Variants in CDKL3 observed in about 807,000 individuals in gnomAD.
CDKL3 encodes the protein cyclin dependent kinase like 3, also known as cyclin-dependent kinase-like 3.
CDKL3 carries 65 observed loss-of-function variants against 69.3 expected under a neutral mutation model. The observed-to-expected ratio is 0.94, with a 90% CI of 0.77 to 1.15. The LOEUF (loss-of-function observed/expected upper bound fraction) is 1.15, where lower values mean the gene tolerates loss of function less well. Among genes scored for constraint, CDKL3 ranks in the 50% most tolerant of loss-of-function variants. The probability of loss-of-function intolerance (pLI) is 0.00; values close to 1 mark genes in which losing one functional copy is unlikely to be tolerated. For missense variants in CDKL3, 652 were observed against 689.2 expected (o/e 0.95, Z 0.61); for synonymous variants, 202 against 221.6 (o/e 0.91, Z 0.79).
chr5:134,333,374 G>A (rs1776271213), intron 4 of CDKL3, among the ~76,000 whole-genome samples: 1 of 152,174 alleles, frequency 6.6e-6, no homozygotes, highest in South Asian at 2.1e-4. Context: ...TGGTGAGAGA[G>A]GACATCCTTG....
At chr5:134,336,239 G>A (rs1777085629) in intron 4 of CDKL3, among the ~76,000 whole-genome samples, 1 of 152,022 alleles carries the variant, frequency 6.6e-6, no homozygotes, top group Non-Finnish European at 1.5e-5. Context: ...TTTTTTCAAG[G>A]TTTTTAGCTT....
intron 6 of CDKL3, among the ~76,000 whole-genome samples, chr5:134,318,782 G>A (rs1771901529): frequency 6.6e-6 from 1 of 151,994 alleles, no homozygotes; most frequent in African/African-American, 2.4e-5. Context: ...ACCCTGCCTG[G>A]CCCATTTCTC....
Position 134,326,670 on chromosome 5 carries a change from C to T in CDKL3, c.540-4767G>A, listed in dbSNP as rs1774277710. The stretch of plus-strand genomic sequence containing the variant: ...AATTTTTTTTTTTAAGATGGAGTTT[C>T]ACTCTTGTTGCCCAGGCTGGAGTGC... On this transcript the variant is annotated intron_variant, in intron 4 of 12. Transcript: ENST00000265334. 2.6e-5 allele frequency among the ~76,000 whole-genome samples: 4 copies of T among 151,078 alleles called. No individual in the cohort carries two copies. In the South Asian group the frequency reaches 8.4e-4, roughly 32 times the overall value.
intron 6 of CDKL3, among the ~76,000 whole-genome samples, chr5:134,313,008 C>A (rs1042701775): frequency 6.6e-6 from 1 of 152,114 alleles, no homozygotes; most frequent in African/African-American, 2.4e-5. Context: ...TTTCTTTAAT[C>A]AAAATACTGA....
rs551793117 is a variant in CDKL3, at chr5:134,330,698, G to C, written c.540-8795C>G. Among the ~76,000 whole-genome samples, 55 of 151,914 alleles carry C rather than the reference G, an allele frequency of 3.6e-4. No homozygotes were observed. The Middle Eastern group carries it at 0.01, about 28-fold the overall frequency. On this transcript the variant is annotated intron_variant, in intron 4 of 12. Transcript: ENST00000265334. ...CAACTGCACTCCAGTCTGGGTGACA[G>C]AGCCAGACCCTGTCTGAAAGAAAAA...
chr5:134,363,379 C>T (rs188968556), intron 2 of CDKL3, among the ~76,000 whole-genome samples: 3 of 151,796 alleles, frequency 2.0e-5, no homozygotes, highest in African/African-American at 7.3e-5. Context: ...CTGAAACCTC[C>T]GCCTCCCGGG....
chr5:134,364,031 AAAG>A (rs1756749869), intron 2 of CDKL3, among the ~76,000 whole-genome samples: 1 of 152,000 alleles, frequency 6.6e-6, no homozygotes, highest in South Asian at 2.1e-4. Context: ...ACTTACAAAG[AAAG>A]AAGAAAATAT....
rs1244920948 is a variant in CDKL3 at position 134,341,985 on chromosome 5, G to A, written c.539+8264C>T. Reference sequence around the variant, plus strand: ...TTTAGGAGGCCCCTCTTTCTCACTAGGGAGAAAGCTGTTCTCCTTTCTCTT... The same window carrying A: ...TTTAGGAGGCCCCTCTTTCTCACTAAGGAGAAAGCTGTTCTCCTTTCTCTT... On this transcript the variant is annotated intron_variant, in intron 4 of 12. Transcript: ENST00000265334. 5.9e-5 allele frequency among the ~76,000 whole-genome samples: 9 copies of A among 152,240 alleles called. No individual in the cohort carries two copies. In the East Asian group the frequency reaches 1.2e-3, roughly 20 times the overall value.
intron 4 of CDKL3, among the ~76,000 whole-genome samples, chr5:134,323,275 C>T (rs1290465389): frequency 1.3e-5 from 2 of 152,078 alleles, no homozygotes; most frequent in African/African-American, 4.8e-5. Flanking sequence ...CATTTCACAA[C>T]GTATATATAT....
downstream of CDKL3, among the ~76,000 whole-genome samples, chr5:134,293,565 G>A (rs1765219509): frequency 6.6e-6 from 1 of 152,120 alleles, no homozygotes; most frequent in Non-Finnish European, 1.5e-5. Context: ...GAAGGCCGAG[G>A]TGGGAGGATC....
intron 4 of CDKL3, among the ~76,000 whole-genome samples, chr5:134,336,485 T>C (rs1442404569): frequency 6.6e-6 from 1 of 152,228 alleles, no homozygotes; most frequent in Non-Finnish European, 1.5e-5. Flanking sequence ...GTCTTTGATG[T>C]TGGTGACCTG....
At chr5:134,356,373 G>A (rs1314185145) in intron 3 of CDKL3, among the ~76,000 whole-genome samples, 1 of 152,214 alleles carries the variant, frequency 6.6e-6, no homozygotes, top group Non-Finnish European at 1.5e-5. Context: ...CTACTGTGTG[G>A]CCTGATTCCT....
chr5:134,334,897 G>A lies in CDKL3; in HGVS notation c.540-12994C>T, dbSNP rs1776685477. Among the ~76,000 whole-genome samples, 6 of 152,152 alleles carry A rather than the reference G, an allele frequency of 3.9e-5. No homozygotes were observed. The South Asian group carries it at 1.2e-3, about 32-fold the overall frequency. ...AATTTTCTGTCTTGTTGATCTGTCTGATATTGACCGTGGGGTGTTAAATTC... is the reference window on the plus strand; with the variant it reads ...AATTTTCTGTCTTGTTGATCTGTCTAATATTGACCGTGGGGTGTTAAATTC... On this transcript the variant is annotated intron_variant, in intron 4 of 12. Transcript: ENST00000265334.
intron 3 of CDKL3, among the ~76,000 whole-genome samples, chr5:134,351,071 C>T (rs1346504133): frequency 1.3e-5 from 2 of 152,162 alleles, no homozygotes; most frequent in African/African-American, 2.4e-5. Context: ...AAGCCATCTA[C>T]ATTTTTCCTA....
intron 3 of CDKL3, among the ~76,000 whole-genome samples, chr5:134,352,137 G>A (rs995628785): frequency 1.3e-5 from 2 of 151,904 alleles, no homozygotes; most frequent in African/African-American, 2.4e-5. Flanking sequence ...AAGATCATGC[G>A]GTATTTGTCC....
At chr5:134,367,858 G>C (rs1488462442), upstream of CDKL3, among the ~76,000 whole-genome samples, 2 of 152,206 alleles carry the variant, frequency 1.3e-5, no homozygotes, top group African/African-American at 4.8e-5. Flanking sequence ...CGGAAATAAA[G>C]AGGCCAGTGT....
chr5:134,326,836 T>TGC lies in CDKL3; in HGVS notation c.540-4934_540-4933insGC, dbSNP rs1262875198. On this transcript the variant is annotated intron_variant, in intron 4 of 12. Coordinates refer to ENST00000265334, the MANE Select transcript of CDKL3 (RefSeq NM_001113575.2). Reference sequence around the variant, plus strand: ...GTGTGTGTATATATATATATATATATATATATATATATATATATATATATA... The same window carrying TGC: ...GTGTGTGTATATATATATATATATATGCATATATATATATATATATATATATA... 7.6e-5 allele frequency among the ~76,000 whole-genome samples: 7 copies of TGC among 92,160 alleles called. 1 individual carries two copies. The highest frequency in any genetic ancestry group is 1.4e-4 in the Non-Finnish European group (7 of 48,450). 60.5% of individuals were successfully genotyped at this position (92,160 alleles called of 152,430 possible).
chr5:134,327,511 A>G (rs942881333), intron 4 of CDKL3, among the ~76,000 whole-genome samples: 12 of 152,132 alleles, frequency 7.9e-5, no homozygotes, highest in Admixed American at 2.6e-4. Context: ...GAGTGTAGAG[A>G]AGTTCCAGCC....
chr5:134,318,230 C>A (rs1439085200), intron 6 of CDKL3, among the ~76,000 whole-genome samples: 1 of 149,848 alleles, frequency 6.7e-6, no homozygotes. Flanking sequence ...AAAAAAAAAA[C>A]AAAAACAAAA....
Sources: gnomAD v4.1 joint callset for allele counts (sites outside exome capture counted in the v4.1 genomes callset) on GRCh38, gnomAD v4.1.1 for gene constraint, MANE v1.5 for transcripts, NCBI Gene and HGNC (gene_info 2026-07-23, HGNC 2026-07-21) for gene names.